The following PRKCB variants were observed in gnomAD, a reference collection of about 807,000 sequenced individuals.
PRKCB encodes protein kinase C beta type.
A neutral mutation model predicts 81.5 loss-of-function variants in PRKCB; 13 were observed. That is an observed-to-expected ratio of 0.16 (90% CI 0.10 to 0.25). The LOEUF is 0.25. PRKCB is among the 10% of genes least tolerant of loss of function. The pLI, the probability that PRKCB is intolerant of heterozygous loss-of-function variation, is 1.00. For missense variants in PRKCB, 509 were observed against 875.7 expected (o/e 0.58, Z 5.29); for synonymous variants, 335 against 321.4 (o/e 1.04, Z -0.45).
At chr16:24,092,657 G>A in intron 5 of PRKCB, 134 bp from the exon 6 acceptor site, 1 of 812,984 alleles carries the variant, frequency 1.2e-6, no homozygotes, top group Non-Finnish European at 1.9e-6. Flanking sequence ...TTCAGCTATG[G>A]ATGTTAATAA....
At chr16:24,010,223 T>A (rs986791927) in intron 3 of PRKCB, among the ~76,000 whole-genome samples, 1 of 152,216 alleles carries the variant, frequency 6.6e-6, no homozygotes, top group African/African-American at 2.4e-5. Flanking sequence ...ACACCCTATC[T>A]GAAAGGGGCA....
chr16:24,036,151 T>C lies in PRKCB; in HGVS notation c.529+604T>C, dbSNP rs530633875. On this transcript the variant is annotated intron_variant, in intron 5 of 16. Transcript: ENST00000643927. The stretch of plus-strand genomic sequence containing the variant: ...TTTTCTGCATGTCTAAAATATTTCA[T>C]GATAATTAGAAAGCAGGATGGTACA... Among the ~76,000 whole-genome samples the C allele has an allele frequency of 4.6e-5, 7 of 152,276 alleles. No individual in the cohort carries two copies. The East Asian group carries it at 1.4e-3, about 29-fold the overall frequency.
At chr16:23,997,582 T>C (rs1047517049) in intron 3 of PRKCB, among the ~76,000 whole-genome samples, 1 of 152,230 alleles carries the variant, frequency 6.6e-6, no homozygotes, top group Admixed American at 6.5e-5. Context: ...ATGGATATGT[T>C]TGTGTGTATA....
chr16:24,032,551 G>A (rs943739495), intron 4 of PRKCB, among the ~76,000 whole-genome samples: 1 of 152,236 alleles, frequency 6.6e-6, no homozygotes, highest in Non-Finnish European at 1.5e-5. Flanking sequence ...GCAGATGGAG[G>A]TGGGCTGGGA....
intron 3 of PRKCB, among the ~76,000 whole-genome samples, chr16:24,025,333 T>C (rs1490883895): frequency 1.3e-5 from 2 of 152,260 alleles, no homozygotes; most frequent in Non-Finnish European, 2.9e-5. Flanking sequence ...TTCTTCGGTT[T>C]CCTCATCTGT....
chr16:24,165,796 T>C (rs1967333395), intron 10 of PRKCB, among the ~76,000 whole-genome samples: 1 of 151,822 alleles, frequency 6.6e-6, no homozygotes, highest in South Asian at 2.1e-4. Flanking sequence ...TTTTTTTAAG[T>C]GAGTTAATAA....
intron 9 of PRKCB, 47 bp downstream of exon 9, chr16:24,124,028 A>G (rs1966832719): frequency 3.1e-6 from 5 of 1,609,252 alleles, no homozygotes; most frequent in Non-Finnish European, 3.4e-6. Context: ...GGAACATCTA[A>G]CAACACAGGC....
intron 2 of PRKCB, among the ~76,000 whole-genome samples, chr16:23,968,986 A>G (rs1268890260): frequency 1.3e-5 from 2 of 152,142 alleles, no homozygotes; most frequent in Non-Finnish European, 2.9e-5. Flanking sequence ...CCTGCCCATC[A>G]TGGTGAGACC....
intron 2 of PRKCB, among the ~76,000 whole-genome samples, chr16:23,908,591 G>T (rs1963600703): frequency 6.6e-6 from 1 of 152,106 alleles, no homozygotes; most frequent in Non-Finnish European, 1.5e-5. Context: ...GAGTGCAGTG[G>T]CGCCATCTCG....
At chr16:23,970,675 C>T (rs1964544068) in intron 2 of PRKCB, among the ~76,000 whole-genome samples, 1 of 152,168 alleles carries the variant, frequency 6.6e-6, no homozygotes. Flanking sequence ...GAATCACGAT[C>T]ACACTTTCAG....
chr16:23,898,850 C>T (rs1963421715), intron 2 of PRKCB, among the ~76,000 whole-genome samples: 1 of 152,160 alleles, frequency 6.6e-6, no homozygotes, highest in Non-Finnish European at 1.5e-5. Flanking sequence ...ATCAAATCAT[C>T]TAAACTCCTT....
Position 24,214,800 on chromosome 16 carries a change from C to T in PRKCB, c.2006C>T (p.Pro669Leu). The T allele has an allele frequency of 6.2e-7, 1 of 1,614,064 alleles. No individual in the cohort carries two copies. Among genetic ancestry groups the T allele is most frequent in the Non-Finnish European group, 8.5e-7 (1 of 1,179,978 alleles). Reference sequence around the variant, plus strand: ...TTTGTTAACTCTGAATTTTTAAAACCCGAAGTCAAGAGCTAAGTAGATGTG... The same window carrying T: ...TTTGTTAACTCTGAATTTTTAAAACTCGAAGTCAAGAGCTAAGTAGATGTG... ...FSFVNSEFLK[P>L]EVKS Residue 669 changes from proline to leucine, a missense_variant, in exon 17 of 17, where the codon CCC becomes CTC. Pro to Leu is a moderately conservative substitution (Grantham distance 98). Transcript: ENST00000643927.
At chr16:24,063,892 GA>G (rs1210172638) in intron 5 of PRKCB, among the ~76,000 whole-genome samples, 5 of 152,180 alleles carry the variant, frequency 3.3e-5, no homozygotes, top group Non-Finnish European at 7.3e-5. Flanking sequence ...TTTGAAGGCT[GA>G]ACATGTTGTA....
rs779623485 is a variant in PRKCB, at chr16:23,837,339, G to A, written c.174-36G>A. ...TAACTAGCTGGAGGCTGGGCCCCCC[G>A]GGCTGCCTGACATACACCTCCTTCT... On this transcript the variant is annotated intron_variant, in intron 1 of 16. Coordinates refer to ENST00000643927, the MANE Select transcript of PRKCB (RefSeq NM_002738.7). 9 of 1,613,044 alleles carry A rather than the reference G, an allele frequency of 5.6e-6. No homozygotes were observed. The South Asian group carries it at 6.6e-5, about 12-fold the overall frequency.
At chr16:24,077,743 C>T (rs1243650385) in intron 5 of PRKCB, among the ~76,000 whole-genome samples, 2 of 152,202 alleles carry the variant, frequency 1.3e-5, no homozygotes, top group African/African-American at 2.4e-5. Context: ...CATCCCTGAA[C>T]AACAGTAGGA....
At position 24,180,871 on chromosome 16, in the gene PRKCB, C is replaced by T; in HGVS notation, c.1476C>T (p.Ile492=). ...IADFGMCKEN[I]WDGVTTKTFC... is the part of the protein sequence containing the mutation. Reference sequence around the variant, plus strand: ...ATTTTGGCATGTGTAAGGAAAACATCTGGGATGGGGTGACAACCAAGACAT... The same window carrying T: ...ATTTTGGCATGTGTAAGGAAAACATTTGGGATGGGGTGACAACCAAGACAT... Residue 492 remains isoleucine (I), a synonymous_variant, in exon 13 of 17, where the codon ATC becomes ATT. Coordinates refer to ENST00000643927, the MANE Select transcript of PRKCB (RefSeq NM_002738.7). The T allele has an allele frequency of 6.2e-7, 1 of 1,614,192 alleles. No homozygotes were observed. The highest frequency in any genetic ancestry group is 1.7e-5 in the Admixed American group (1 of 60,022).
chr16:23,980,002 T>C (rs1964673931), intron 2 of PRKCB, among the ~76,000 whole-genome samples: 1 of 152,226 alleles, frequency 6.6e-6, no homozygotes, highest in African/African-American at 2.4e-5. Flanking sequence ...AGAGGATCAC[T>C]TGAGCCCAGG....
chr16:23,912,684 T>C (rs1374379463), intron 2 of PRKCB, among the ~76,000 whole-genome samples: 1 of 150,862 alleles, frequency 6.6e-6, no homozygotes, highest in Non-Finnish European at 1.5e-5. Context: ...GGCTAATTTT[T>C]GTATTTTTAG....
At chr16:23,989,796 A>G (rs1271515195) in intron 3 of PRKCB, among the ~76,000 whole-genome samples, 2 of 152,128 alleles carry the variant, frequency 1.3e-5, no homozygotes, top group African/African-American at 2.4e-5. Context: ...GGCAGAGGCT[A>G]CCTCTCATGA....
Sources: gnomAD v4.1 joint callset for allele counts (sites outside exome capture counted in the v4.1 genomes callset) on GRCh38, gnomAD v4.1.1 for gene constraint, MANE v1.5 for transcripts, NCBI Gene and HGNC (gene_info 2026-07-23, HGNC 2026-07-21) for gene names.